TSPAN5: variants seen among roughly 807,000 people sequenced by gnomAD.
TSPAN5 encodes tetraspanin-5.
TSPAN5 carries 10 observed loss-of-function variants against 37.1 expected under a neutral mutation model. The observed-to-expected ratio is 0.27, with a 90% CI of 0.17 to 0.46. TSPAN5 has a LOEUF of 0.46. Ranked by LOEUF, TSPAN5 falls within the 20% of genes least tolerant of loss-of-function variation. The pLI is 1.00. For missense variants in TSPAN5, 195 were observed against 326.6 expected, an observed-to-expected ratio of 0.60 and a Z score of 3.11; for synonymous variants, 110 against 118.9, an observed-to-expected ratio of 0.93 and a Z score of 0.48.
intron 1 of TSPAN5, among the ~76,000 whole-genome samples, chr4:98,628,744 G>A (rs991495918): frequency 6.6e-6 from 1 of 152,126 alleles, no homozygotes; most frequent in African/African-American, 2.4e-5. Context: ...TGCAACACCA[G>A]CTTTTAAAAC....
At chr4:98,520,197 G>A (rs1309946801) in intron 1 of TSPAN5, among the ~76,000 whole-genome samples, 1 of 152,160 alleles carries the variant, frequency 6.6e-6, no homozygotes, top group African/African-American at 2.4e-5. Flanking sequence ...CAAGAAAGAG[G>A]TGCCACCAAA....
intron 2 of TSPAN5, among the ~76,000 whole-genome samples, chr4:98,492,349 G>A (rs1456232061): frequency 6.6e-6 from 1 of 152,176 alleles, no homozygotes; most frequent in Non-Finnish European, 1.5e-5. Context: ...ACAAGAGTAG[G>A]GAGGGAAAAT....
chr4:98,485,612 A>T (rs982598060), intron 3 of TSPAN5: 2 of 152,042 alleles, frequency 1.3e-5, no homozygotes, highest in Non-Finnish European at 2.9e-5. Context: ...TCCGAGACAG[A>T]GCTGCTCAGA....
intron 1 of TSPAN5, among the ~76,000 whole-genome samples, chr4:98,513,891 T>TAGAC (rs1431937579): frequency 1.3e-5 from 2 of 152,042 alleles, no homozygotes; most frequent in Admixed American, 6.6e-5. Flanking sequence ...GATAGATAGA[T>TAGAC]AGATAGATAG....
At chr4:98,550,679 T>C (rs1351190579) in intron 1 of TSPAN5, among the ~76,000 whole-genome samples, 1 of 151,574 alleles carries the variant, frequency 6.6e-6, no homozygotes, top group Non-Finnish European at 1.5e-5. Context: ...GGCTAGATCA[T>C]TACTGTACTA....
chr4:98,484,432 A>G (rs1421107030), intron 3 of TSPAN5: 1 of 455,894 alleles, frequency 2.2e-6, no homozygotes. Context: ...GCAAGTTTTT[A>G]TTGTTTGTCC....
At chr4:98,523,455 G>T (rs1049728855) in intron 1 of TSPAN5, among the ~76,000 whole-genome samples, 1 of 151,846 alleles carries the variant, frequency 6.6e-6, no homozygotes, top group African/African-American at 2.4e-5. Context: ...TTTTTTTTGA[G>T]ACAGAGTCTC....
intron 1 of TSPAN5, among the ~76,000 whole-genome samples, chr4:98,538,087 C>A (rs756625378): frequency 6.6e-6 from 1 of 152,258 alleles, no homozygotes; most frequent in Non-Finnish European, 1.5e-5. Context: ...CCTGCATCAG[C>A]AGCAATAGGG....
chr4:98,632,443 C>A lies in TSPAN5; in HGVS notation c.81+25703G>T, dbSNP rs117418948. ...CATATCACTGGGCTTTAGAAGGGAT[C>A]ATCATATATGCTGTCATTCAAAATG... is the stretch of plus-strand genomic sequence containing the variant. On this transcript the variant is annotated intron_variant, in intron 1 of 7. Coordinates refer to ENST00000305798, the MANE Select transcript of TSPAN5 (RefSeq NM_005723.4). 7.2e-5 allele frequency among the ~76,000 whole-genome samples: 11 copies of A among 152,206 alleles called. No homozygotes were observed. The East Asian group carries it at 2.1e-3, about 29-fold the overall frequency.
intron 2 of TSPAN5, among the ~76,000 whole-genome samples, chr4:98,493,997 C>G (rs1421330329): frequency 6.6e-6 from 1 of 152,118 alleles, no homozygotes; most frequent in Non-Finnish European, 1.5e-5. Context: ...TTCCATTATC[C>G]ACTAGGTACC....
chr4:98,634,795 G>T (rs2110268708), intron 1 of TSPAN5, among the ~76,000 whole-genome samples: 1 of 149,296 alleles, frequency 6.7e-6, no homozygotes, highest in East Asian at 1.9e-4. Context: ...AACAGAGTGG[G>T]GAGAATGAGG....
Position 98,525,704 on chromosome 4 carries a change from G to A in TSPAN5, c.82-17976C>T, listed in dbSNP as rs574936984. On this transcript the variant is annotated intron_variant, in intron 1 of 7. Coordinates refer to ENST00000305798, the MANE Select transcript of TSPAN5 (RefSeq NM_005723.4). Reference sequence around the variant, plus strand: ...ATATATAGCTCACATTTATTTCAATGTTTAATATTAAAAGTGTTTTGAATC... The same window carrying A: ...ATATATAGCTCACATTTATTTCAATATTTAATATTAAAAGTGTTTTGAATC... 2.9e-3 allele frequency among the ~76,000 whole-genome samples: 434 copies of A among 152,230 alleles called. 1 individual carries two copies. Among genetic ancestry groups the A allele is most frequent in the African/African-American group, 1.0e-2 (414 of 41,530 alleles).
chr4:98,568,225 T>C (rs1349053761), intron 1 of TSPAN5, among the ~76,000 whole-genome samples: 1 of 152,044 alleles, frequency 6.6e-6, no homozygotes, highest in Non-Finnish European at 1.5e-5. Flanking sequence ...CCAGTCCTCT[T>C]ATTCCACAGG....
At chr4:98,592,137 T>A (rs926896151) in intron 1 of TSPAN5, among the ~76,000 whole-genome samples, 6 of 150,898 alleles carry the variant, frequency 4.0e-5, no homozygotes, top group African/African-American at 1.5e-4. Context: ...AACAACTAGA[T>A]AGCCACATGG....
intron 1 of TSPAN5, among the ~76,000 whole-genome samples, chr4:98,573,446 G>A (rs1755169600): frequency 6.6e-6 from 1 of 152,136 alleles, no homozygotes; most frequent in Non-Finnish European, 1.5e-5. Context: ...ATGTTGCCCA[G>A]GCTGGTCTCG....
At chr4:98,530,878 A>T (rs1754065944) in intron 1 of TSPAN5, among the ~76,000 whole-genome samples, 1 of 152,028 alleles carries the variant, frequency 6.6e-6, no homozygotes, top group East Asian at 1.9e-4. Flanking sequence ...AGTAGCTGGG[A>T]CTAGGGGCAT....
chr4:98,485,412 T>G (rs1752938828), intron 3 of TSPAN5: 1 of 152,216 alleles, frequency 6.6e-6, no homozygotes, highest in Non-Finnish European at 1.5e-5. Flanking sequence ...TGTGTGTGTG[T>G]GGCAAAGGAA....
rs752382788 is a variant in TSPAN5 at position 98,640,129 on chromosome 4, C to CA, written c.81+18016dup. On this transcript the variant is annotated intron_variant, in intron 1 of 7. Coordinates refer to ENST00000305798, the MANE Select transcript of TSPAN5 (RefSeq NM_005723.4). ...AGCAGCCCATAAAAATCGTTTGCAACAAAAAAAAAACTGTAATCATGCAAA... is the reference window on the plus strand; with the variant it reads ...AGCAGCCCATAAAAATCGTTTGCAACAAAAAAAAAAACTGTAATCATGCAAA... 1.6e-3 allele frequency among the ~76,000 whole-genome samples: 231 copies of CA among 143,338 alleles called. 1 individual carries two copies. The highest frequency in any genetic ancestry group is 3.6e-3 in the Middle Eastern group (1 of 280). 94.0% of individuals were successfully genotyped at this position (143,338 alleles called of 152,430 possible). A position where few individuals can be genotyped will look rare whatever the true frequency, so the allele number is the denominator to read the frequency against.
At chr4:98,576,115 C>G (rs932703888) in intron 1 of TSPAN5, among the ~76,000 whole-genome samples, 1 of 151,920 alleles carries the variant, frequency 6.6e-6, no homozygotes, top group Non-Finnish European at 1.5e-5. Flanking sequence ...CTTTCTCAGC[C>G]TCTGATAACT....
Sources: gnomAD v4.1 joint callset for allele counts (sites outside exome capture counted in the v4.1 genomes callset) on GRCh38, gnomAD v4.1.1 for gene constraint, MANE v1.5 for transcripts, NCBI Gene and HGNC (gene_info 2026-07-23, HGNC 2026-07-21) for gene names.